Variants in TMEM117 observed in about 807,000 individuals in gnomAD.
TMEM117 encodes transmembrane protein 117.
Under a neutral mutation model 52.4 loss-of-function variants are expected in TMEM117, and 27 were observed. The observed-to-expected ratio is 0.51, with a 90% CI of 0.38 to 0.71. TMEM117 has a LOEUF of 0.71. Ranked by LOEUF, TMEM117 falls within the 30% of genes least tolerant of loss-of-function variation. TMEM117 has a pLI of 0.00. For synonymous variants in TMEM117, 215 were observed against 206.3 expected (o/e 1.04, Z -0.36); for missense variants, 556 against 630.5 (o/e 0.88, Z 1.26).
intron 4 of TMEM117, among the ~76,000 whole-genome samples, chr12:44,186,282 G>A (rs139483661): frequency 6.6e-6 from 1 of 152,144 alleles, no homozygotes; most frequent in Non-Finnish European, 1.5e-5. Context: ...GCCTTTCCAA[G>A]GAATCTTATG....
intron 2 of TMEM117, 94 bp downstream of exon 2, chr12:43,845,022 A>G (rs2137356857): frequency 6.9e-7 from 1 of 1,446,974 alleles, no homozygotes; most frequent in African/African-American, 1.4e-5. Flanking sequence ...CCAATGTAGG[A>G]GGCATTTTAG....
intron 6 of TMEM117, among the ~76,000 whole-genome samples, chr12:44,314,976 A>C (rs774685896): frequency 4.6e-5 from 7 of 151,958 alleles, no homozygotes; most frequent in Admixed American, 6.6e-5. Context: ...TTCCTGATTC[A>C]CTGTTGGGGC....
chr12:44,299,983 T>C (rs1950819235), intron 6 of TMEM117, among the ~76,000 whole-genome samples: 1 of 152,042 alleles, frequency 6.6e-6, no homozygotes, highest in African/African-American at 2.4e-5. Context: ...AGAAACCATA[T>C]AGCACATTGG....
At chr12:44,088,800 A>C (rs1947615147) in intron 3 of TMEM117, among the ~76,000 whole-genome samples, 1 of 152,228 alleles carries the variant, frequency 6.6e-6, no homozygotes. Context: ...ACTCAGGGTC[A>C]CTGGATACTT....
chr12:43,837,157 A>G (rs1943045726), intron 1 of TMEM117, among the ~76,000 whole-genome samples: 1 of 152,132 alleles, frequency 6.6e-6, no homozygotes, highest in African/African-American at 2.4e-5. Context: ...TCAGGCATTT[A>G]TCCCTCCTAT....
intron 5 of TMEM117, among the ~76,000 whole-genome samples, chr12:44,286,310 A>T (rs1245690450): frequency 1.3e-5 from 2 of 150,312 alleles, no homozygotes; most frequent in East Asian, 1.9e-4. Context: ...AAACAGTTTT[A>T]TATATATAAT....
chr12:44,309,641 C>T lies in TMEM117; in HGVS notation c.768+9902C>T, dbSNP rs186667010. Among the ~76,000 whole-genome samples the T allele has an allele frequency of 2.5e-4, 38 of 152,082 alleles. 1 individual carries two copies. In the East Asian group the frequency reaches 7.1e-3, roughly 29 times the overall value. On this transcript the variant is annotated intron_variant, in intron 6 of 7. Transcript: ENST00000266534. ...GCACTGTCCTGGATGCTTAGATGTACTTTATTTCATTTAATCTTACAAAAC... is the reference window on the plus strand; with the variant it reads ...GCACTGTCCTGGATGCTTAGATGTATTTTATTTCATTTAATCTTACAAAAC...
chr12:44,211,436 A>T, intron 5 of TMEM117, 49 bp downstream of exon 5: 1 of 1,340,058 alleles, frequency 7.5e-7, no homozygotes, highest in Non-Finnish European at 1.1e-6. Flanking sequence ...CATTCACTGA[A>T]GGACTTTAGT....
intron 5 of TMEM117, among the ~76,000 whole-genome samples, chr12:44,276,032 C>T (rs969204138): frequency 1.3e-5 from 2 of 152,202 alleles, no homozygotes; most frequent in East Asian, 3.9e-4. Context: ...GCATTGCATG[C>T]CTGTATCAAA....
chr12:43,937,072 G>A lies in TMEM117; in HGVS notation c.278-7138G>A, dbSNP rs564497388. Among the ~76,000 whole-genome samples the A allele has an allele frequency of 4.6e-5, 7 of 152,272 alleles. No homozygotes were observed. In the East Asian group the frequency reaches 5.8e-4, roughly 13 times the overall value. ...GTGGTTTTAAAAAGGCACAGGTAGG[G>A]TCTTCTTTGGGAGGAGTGCTCCATC... On this transcript the variant is annotated intron_variant, in intron 2 of 7. Coordinates refer to ENST00000266534, the MANE Select transcript of TMEM117 (RefSeq NM_032256.3).
intron 3 of TMEM117, among the ~76,000 whole-genome samples, chr12:44,073,154 G>A (rs571342663): frequency 1.9e-4 from 29 of 151,282 alleles, no homozygotes; most frequent in African/African-American, 7.0e-4. Flanking sequence ...AAAACCTTTA[G>A]CATTTGCTTC....
chr12:43,815,961 G>A, the TMEM117 span, among the ~76,000 whole-genome samples: 7 of 152,272 alleles, frequency 4.6e-5, no homozygotes, highest in East Asian at 3.9e-4. Context: ...AATTTTTTGC[G>A]TTAAATTTTG....
chr12:43,799,289 A>G, the TMEM117 span: 1 of 662,286 alleles, frequency 1.5e-6, no homozygotes, highest in Admixed American at 3.1e-5. Flanking sequence ...GAATAAACCT[A>G]AGCTACCTAA....
chr12:44,131,340 G>C (rs1948410370), intron 3 of TMEM117, among the ~76,000 whole-genome samples: 1 of 151,996 alleles, frequency 6.6e-6, no homozygotes, highest in South Asian at 2.1e-4. Context: ...TTATATTATG[G>C]ACAAAGAATA....
chr12:43,834,221 TA>T (rs1236539657), upstream of TMEM117, among the ~76,000 whole-genome samples: 1 of 152,184 alleles, frequency 6.6e-6, no homozygotes, highest in African/African-American at 2.4e-5. Context: ...ACAAGGAAAA[TA>T]TAGCATATGG....
At chr12:44,053,142 C>T (rs893784271) in intron 3 of TMEM117, among the ~76,000 whole-genome samples, 23 of 152,200 alleles carry the variant, frequency 1.5e-4, no homozygotes, top group African/African-American at 5.3e-4. Context: ...AGCTCAGTCT[C>T]ATACACTTGC....
chr12:44,011,305 G>T (rs1170937344), intron 3 of TMEM117, among the ~76,000 whole-genome samples: 1 of 152,114 alleles, frequency 6.6e-6, no homozygotes, highest in Non-Finnish European at 1.5e-5. Flanking sequence ...TATTGTTATG[G>T]TTTGGCTGTG....
chr12:44,255,425 C>A (rs1417069467), intron 5 of TMEM117, among the ~76,000 whole-genome samples: 3 of 152,038 alleles, frequency 2.0e-5, no homozygotes, highest in South Asian at 2.1e-4. Context: ...ATTGAAAGTA[C>A]CAGATATTAA....
At chr12:44,090,912 A>G (rs1312853471) in intron 3 of TMEM117, among the ~76,000 whole-genome samples, 1 of 136,758 alleles carries the variant, frequency 7.3e-6, no homozygotes, top group African/African-American at 2.9e-5. Context: ...ATTACCTCTG[A>G]TAGAGTGTAT....
Sources: allele counts gnomAD v4.1 joint callset (sites outside exome capture counted in the v4.1 genomes callset), GRCh38; gene constraint gnomAD v4.1.1; transcripts MANE v1.5; gene names NCBI Gene and HGNC (gene_info 2026-07-23, HGNC 2026-07-21).